ITPKB: variants seen among roughly 807,000 people sequenced by gnomAD.
ITPKB encodes the protein inositol-trisphosphate 3-kinase B.
A neutral mutation model predicts 69.4 loss-of-function variants in ITPKB; 13 were observed. The observed-to-expected ratio is 0.19, with a 90% confidence interval of 0.12 to 0.30. The LOEUF (loss-of-function observed/expected upper bound fraction) is 0.30, where lower values mean the gene tolerates loss of function less well. Ranked by LOEUF, ITPKB falls within the 10% of genes least tolerant of loss-of-function variation. The pLI is 1.00. For synonymous variants in ITPKB, 584 were observed against 513.7 expected (o/e 1.14, Z -1.85); for missense variants, 1,240 against 1,250.5 (o/e 0.99, Z 0.13).
chr1:226,691,522 G>A (rs1389601971), intron 2 of ITPKB, among the ~76,000 whole-genome samples: 2 of 152,144 alleles, frequency 1.3e-5, no homozygotes, highest in Admixed American at 1.3e-4. Context: ...GAAGGGGAGG[G>A]CCCACAATGA....
At chr1:226,638,808 T>C (rs976931242) in intron 6 of ITPKB, among the ~76,000 whole-genome samples, 8 of 151,768 alleles carry the variant, frequency 5.3e-5, no homozygotes, top group African/African-American at 1.9e-4. Flanking sequence ...CTGTGAAGAT[T>C]TGCTGCACGC....
At chr1:226,733,573 C>A (rs1657658778) in intron 2 of ITPKB, among the ~76,000 whole-genome samples, 1 of 150,398 alleles carries the variant, frequency 6.6e-6, no homozygotes. Context: ...TACCCCCCTA[C>A]ACACACACAC....
intron 2 of ITPKB, among the ~76,000 whole-genome samples, chr1:226,698,540 G>A (rs1656555311): frequency 6.6e-6 from 1 of 152,250 alleles, no homozygotes. Context: ...AAGGTGACAG[G>A]AATTGTTCAT....
intron 2 of ITPKB, among the ~76,000 whole-genome samples, chr1:226,697,775 A>C (rs1656528913): frequency 6.6e-6 from 1 of 152,216 alleles, no homozygotes; most frequent in African/African-American, 2.4e-5. Flanking sequence ...GGTCCTCTGC[A>C]CCAACCCAGA....
intron 2 of ITPKB, among the ~76,000 whole-genome samples, chr1:226,700,465 CAAAAAAAAAAAAAA>C (rs58320585): frequency 1.5e-4 from 8 of 53,962 alleles, no homozygotes; most frequent in African/African-American, 2.6e-4. Context: ...AAGACTCCGT[CAAAAAAAAAAAAAA>C]AAAAAAAAAA....
At chr1:226,715,674 ATTTTG>A (rs1471842987) in intron 2 of ITPKB, among the ~76,000 whole-genome samples, 1 of 152,178 alleles carries the variant, frequency 6.6e-6, no homozygotes, top group African/African-American at 2.4e-5. Context: ...GTATAGCAAT[ATTTTG>A]TTTTATTTTT....
intron 2 of ITPKB, among the ~76,000 whole-genome samples, chr1:226,723,563 A>G (rs1657309336): frequency 6.6e-6 from 1 of 151,998 alleles, no homozygotes; most frequent in Admixed American, 6.5e-5. Flanking sequence ...CTACACACAC[A>G]CGTGTGTGTG....
At chr1:226,701,806 C>A (rs1249686124) in intron 2 of ITPKB, among the ~76,000 whole-genome samples, 2 of 152,036 alleles carry the variant, frequency 1.3e-5, no homozygotes, top group African/African-American at 2.4e-5. Context: ...GCTCACTAAC[C>A]CACCCAGTTG....
chr1:226,675,281 GAA>G (rs1669709271), intron 2 of ITPKB, among the ~76,000 whole-genome samples: 1 of 152,182 alleles, frequency 6.6e-6, no homozygotes, highest in Admixed American at 6.5e-5. Context: ...CAGGAAAATA[GAA>G]CTCTTACAAC....
intron 2 of ITPKB, among the ~76,000 whole-genome samples, chr1:226,674,477 G>A (rs560176082): frequency 7.9e-5 from 12 of 152,180 alleles, no homozygotes; most frequent in Admixed American, 1.3e-4. Flanking sequence ...AATTACAGGC[G>A]TGAGCCACTG....
chr1:226,679,575 A>G (rs1353374713), intron 2 of ITPKB, among the ~76,000 whole-genome samples: 5 of 152,120 alleles, frequency 3.3e-5, no homozygotes, highest in African/African-American at 1.2e-4. Flanking sequence ...TCGATATTCT[A>G]CCTCCCTTTT....
chr1:226,737,796 A>C, intron 1 of ITPKB, 133 bp from the exon 2 acceptor site: 1 of 173,710 alleles, frequency 5.8e-6, no homozygotes, highest in Non-Finnish European at 1.2e-5. Flanking sequence ...CATCTCACCT[A>C]TGGGGACGGC....
chr1:226,718,901 C>T (rs1432998439), intron 2 of ITPKB, among the ~76,000 whole-genome samples: 1 of 152,210 alleles, frequency 6.6e-6, no homozygotes, highest in Non-Finnish European at 1.5e-5. Context: ...TTACATCACA[C>T]AAAAATGTGT....
intron 2 of ITPKB, among the ~76,000 whole-genome samples, chr1:226,682,912 T>C (rs1656121721): frequency 6.6e-6 from 1 of 152,208 alleles, no homozygotes; most frequent in Admixed American, 6.5e-5. Context: ...AGTCTAGCTG[T>C]ATTTGGCCAC....
At chr1:226,679,254 T>G (rs1439627188) in intron 2 of ITPKB, among the ~76,000 whole-genome samples, 1 of 152,260 alleles carries the variant, frequency 6.6e-6, no homozygotes, top group African/African-American at 2.4e-5. Flanking sequence ...CCTTTTCAGA[T>G]GTGGCTCCCT....
chr1:226,691,290 C>T (rs561127542), intron 2 of ITPKB, among the ~76,000 whole-genome samples: 223 of 152,144 alleles, frequency 1.5e-3, no homozygotes, highest in South Asian at 3.3e-3. Flanking sequence ...TGTATAATCT[C>T]TTCCTCAAAC....
rs1036710587 is a variant in ITPKB at position 226,691,005 on chromosome 1, C to T, written c.1933-42234G>A. Among the ~76,000 whole-genome samples the T allele has an allele frequency of 5.3e-5, 8 of 152,038 alleles. No individual in the cohort carries two copies. The East Asian group carries it at 7.7e-4, about 15-fold the overall frequency. ...GTATGACTCCACTTATCCCAAGTAC[C>T]GAAAATAGGCAAATTCACAAAGACA... On this transcript the variant is annotated intron_variant, in intron 2 of 7. Transcript: ENST00000429204.
intron 2 of ITPKB, among the ~76,000 whole-genome samples, chr1:226,680,953 A>G (rs1656078752): frequency 6.6e-6 from 1 of 152,150 alleles, no homozygotes; most frequent in African/African-American, 2.4e-5. Context: ...TTGCTAAGAA[A>G]AAGTCCGCAG....
Position 226,639,589 on chromosome 1 carries a change from T to C in ITPKB, c.2521A>G (p.Arg841Gly). ...KTREQVTEAF[R>G]EFTKGNHNIL... ...TTATGGTTTCCTTTAGTGAACTCTC[T>C]GAAGGCCTCGGTGACCTGCTCCCTC... The change falls in exon 6 of 8, where the codon AGA becomes GGA. Residue 841 changes from arginine (R) to glycine (G), a missense_variant. Physicochemically the swap from Arg to Gly is moderately radical, Grantham distance 125 (BLOSUM62 -2). This residue lies in a region of ITPKB where 248 missense variants were observed against 396.7 expected (regional missense o/e 0.63). Coordinates refer to ENST00000429204, the MANE Select transcript of ITPKB (RefSeq NM_002221.4). 2 of 1,613,516 alleles carry C rather than the reference T, an allele frequency of 1.2e-6. No homozygotes were observed. The highest frequency in any genetic ancestry group is 1.1e-5 in the South Asian group (1 of 91,068).
Sources: gnomAD v4.1 joint callset for allele counts (sites outside exome capture counted in the v4.1 genomes callset) on GRCh38, gnomAD v4.1.1 for gene constraint, gnomAD v4.1.1 regional missense constraint, MANE v1.5 for transcripts, NCBI Gene and HGNC (gene_info 2026-07-23, HGNC 2026-07-21) for gene names.